HSD17B12: variants seen among roughly 807,000 people sequenced by gnomAD.
HSD17B12 encodes hydroxysteroid 17-beta dehydrogenase 12, also known as very-long-chain 3-oxoacyl-CoA reductase.
Under a neutral mutation model 39.3 loss-of-function variants are expected in HSD17B12, and 32 were observed. The ratio of observed to expected loss-of-function variants is 0.81; its 90% CI spans 0.61 to 1.09. The LOEUF (loss-of-function observed/expected upper bound fraction) is 1.09. Among genes scored for constraint, HSD17B12 ranks in the 50% least tolerant of loss-of-function variants. The pLI is 0.00. For missense variants in HSD17B12, 342 were observed against 382.9 expected (o/e 0.89, Z 0.89); for synonymous variants, 150 against 146.7 (o/e 1.02, Z -0.16).
chr11:43,730,850 A>G (rs187835885), intron 1 of HSD17B12, among the ~76,000 whole-genome samples: 1 of 152,180 alleles, frequency 6.6e-6, no homozygotes, highest in Non-Finnish European at 1.5e-5. Context: ...ACTTTATTGT[A>G]GTGTTAGTGT....
At chr11:43,787,491 C>G (rs908680406) in intron 3 of HSD17B12, among the ~76,000 whole-genome samples, 1 of 151,998 alleles carries the variant, frequency 6.6e-6, no homozygotes, top group Admixed American at 6.6e-5. Context: ...AATCCCAACA[C>G]TGTGGGAGGC....
intron 1 of HSD17B12, among the ~76,000 whole-genome samples, chr11:43,723,210 C>T (rs1464470480): frequency 1.3e-5 from 2 of 152,048 alleles, no homozygotes; most frequent in Non-Finnish European, 2.9e-5. Flanking sequence ...AGACCAGAAT[C>T]GTAACATAAG....
chr11:43,763,605 GTTATCTTATATATA>G (rs1346485721), intron 3 of HSD17B12, among the ~76,000 whole-genome samples: 1 of 133,548 alleles, frequency 7.5e-6, no homozygotes, highest in East Asian at 2.0e-4. Flanking sequence ...TATATATAAG[GTTATCTTATATATA>G]TATATATCTT....
chr11:43,628,850 A>G, the HSD17B12 span, among the ~76,000 whole-genome samples: 1 of 152,006 alleles, frequency 6.6e-6, no homozygotes, highest in Non-Finnish European at 1.5e-5. Context: ...AGGTTTATCT[A>G]TGTAATTTTT....
the HSD17B12 span, among the ~76,000 whole-genome samples, chr11:43,643,138 A>G: frequency 6.6e-6 from 1 of 152,124 alleles, no homozygotes; most frequent in Admixed American, 6.5e-5. Context: ...AAAATAGCAG[A>G]TAATTTGGGA....
At chr11:43,745,141 G>T (rs1302227623) in intron 1 of HSD17B12, among the ~76,000 whole-genome samples, 1 of 152,208 alleles carries the variant, frequency 6.6e-6, no homozygotes, top group South Asian at 2.1e-4. Flanking sequence ...TCAGGAAAAG[G>T]AAGACAATAT....
chr11:43,720,806 G>A lies in HSD17B12; in HGVS notation c.161-30105G>A, dbSNP rs115404419. ...CAAGTGGTAGCCTGTGTATGTATCT[G>A]GCTCACAGATATGGTATATTTGGCT... On this transcript the variant is annotated intron_variant, in intron 1 of 10. Coordinates refer to ENST00000278353, the MANE Select transcript of HSD17B12 (RefSeq NM_016142.3). Among the ~76,000 whole-genome samples, 942 of 113,060 alleles carry A rather than the reference G, an allele frequency of 8.3e-3. 16 individuals are homozygous for A. The highest frequency in any genetic ancestry group is 0.029 in the African/African-American group (883 of 30,890). 74.2% of individuals were successfully genotyped at this position (113,060 alleles called of 152,430 possible).
chr11:43,825,401 C>A (rs1951225086), intron 6 of HSD17B12, among the ~76,000 whole-genome samples: 1 of 152,136 alleles, frequency 6.6e-6, no homozygotes, highest in Non-Finnish European at 1.5e-5. Context: ...CCTGGATTTG[C>A]CTCTGGCATG....
chr11:43,601,978 C>T, the HSD17B12 span, among the ~76,000 whole-genome samples: 1 of 152,272 alleles, frequency 6.6e-6, no homozygotes, highest in East Asian at 1.9e-4. Flanking sequence ...TGTCAGCTGC[C>T]CCTTTTTGAG....
intron 9 of HSD17B12, among the ~76,000 whole-genome samples, chr11:43,842,890 T>A (rs1951440237): frequency 6.6e-6 from 1 of 152,192 alleles, no homozygotes; most frequent in African/African-American, 2.4e-5. Context: ...ATTTCTAAAA[T>A]TCCGTTAATA....
chr11:43,741,205 A>T (rs777552337), intron 1 of HSD17B12, among the ~76,000 whole-genome samples: 2 of 152,202 alleles, frequency 1.3e-5, no homozygotes, highest in Non-Finnish European at 2.9e-5. Flanking sequence ...TTTGACATTC[A>T]TATGTTTTTT....
chr11:43,750,847 C>G, intron 1 of HSD17B12, 64 bp from the exon 2 acceptor site: 1 of 1,189,114 alleles, frequency 8.4e-7, no homozygotes, highest in South Asian at 1.3e-5. Flanking sequence ...TTGGTGGGTC[C>G]TAACTATGAC....
At chr11:43,842,108 C>A (rs1280185949) in intron 9 of HSD17B12, among the ~76,000 whole-genome samples, 2 of 152,140 alleles carry the variant, frequency 1.3e-5, no homozygotes, top group Non-Finnish European at 2.9e-5. Context: ...TTGCTCCAGG[C>A]CTGTAAGTCA....
the HSD17B12 span, among the ~76,000 whole-genome samples, chr11:43,560,569 C>T: frequency 6.6e-6 from 1 of 152,188 alleles, no homozygotes; most frequent in African/African-American, 2.4e-5. Flanking sequence ...CATAGGCTTA[C>T]TTTCCATTCT....
At chr11:43,575,308 GGAGAGAGCGGGAGCCTTAGAATCTGTT>G in the HSD17B12 span, among the ~76,000 whole-genome samples, 1 of 152,248 alleles carries the variant, frequency 6.6e-6, no homozygotes, top group Non-Finnish European at 1.5e-5. This position sits in a 1 kb window ranked among gnomAD's most constrained non-coding sequence, Gnocchi z 4.1. Flanking sequence ...AGAGCAGGAG[GGAGAGAGCGGGAGCCTTAGAATCTGTT>G]ATTTGCGTCA....
At chr11:43,565,851 G>A in the HSD17B12 span, among the ~76,000 whole-genome samples, 1 of 152,202 alleles carries the variant, frequency 6.6e-6, no homozygotes, top group Non-Finnish European at 1.5e-5. Flanking sequence ...TTGCCCTGTG[G>A]AAATGAGACA....
the HSD17B12 span, among the ~76,000 whole-genome samples, chr11:43,600,763 G>T: frequency 6.6e-6 from 1 of 151,818 alleles, no homozygotes; most frequent in Non-Finnish European, 1.5e-5. Flanking sequence ...ACCTCATAGA[G>T]TTATTGGAAT....
the HSD17B12 span, among the ~76,000 whole-genome samples, chr11:43,575,194 G>A: frequency 6.6e-6 from 1 of 152,196 alleles, no homozygotes; most frequent in Non-Finnish European, 1.5e-5. This position sits in a 1 kb window ranked among gnomAD's most constrained non-coding sequence, Gnocchi z 4.1. Flanking sequence ...TCTGTAACTC[G>A]GATCATTGCT....
chr11:43,567,216 G>T, the HSD17B12 span, among the ~76,000 whole-genome samples: 1 of 152,214 alleles, frequency 6.6e-6, no homozygotes, highest in African/African-American at 2.4e-5. Flanking sequence ...CTAGATATTT[G>T]TGGGAAGAGA....
Sources: allele counts gnomAD v4.1 joint callset (sites outside exome capture counted in the v4.1 genomes callset), GRCh38; gene constraint gnomAD v4.1.1; non-coding constraint Gnocchi (gnomAD v3.1); transcripts MANE v1.5; gene names NCBI Gene and HGNC (gene_info 2026-07-23, HGNC 2026-07-21).